Variants in PDE4D observed in about 807,000 individuals in gnomAD.
PDE4D encodes the protein 3',5'-cyclic-AMP phosphodiesterase 4D.
PDE4D carries 24 observed loss-of-function variants against 87.4 expected under a neutral mutation model. The ratio of observed to expected loss-of-function variants is 0.27; its 90% confidence interval spans 0.20 to 0.39. PDE4D has a LOEUF of 0.39. Ranked by LOEUF, PDE4D falls within the 10% of genes least tolerant of loss-of-function variation. The probability of loss-of-function intolerance (pLI) is 1.00; values close to 1 mark genes in which losing one functional copy is unlikely to be tolerated. For synonymous variants in PDE4D, 384 were observed against 383.2 expected, an observed-to-expected ratio of 1.00 and a Z score of -0.02; for missense variants, 714 against 1,041.0, an observed-to-expected ratio of 0.69 and a Z score of 4.32.
upstream of PDE4D, among the ~76,000 whole-genome samples, chr5:59,896,229 CA>C (rs1390685464): frequency 5.9e-5 from 9 of 152,254 alleles, 1 homozygote; most frequent in South Asian, 1.7e-3. Flanking sequence ...ATACTTAGCA[CA>C]ATGCCTTATA....
At chr5:59,191,853 G>A (rs891211240) in intron 3 of PDE4D, among the ~76,000 whole-genome samples, 3 of 152,046 alleles carry the variant, frequency 2.0e-5, no homozygotes, top group African/African-American at 7.2e-5. Flanking sequence ...TTACAGGTAC[G>A]AGCCACCGCA....
chr5:60,135,565 A>G (rs879851306), intron 2 of PDE4D, among the ~76,000 whole-genome samples: 2 of 152,240 alleles, frequency 1.3e-5, no homozygotes, highest in Non-Finnish European at 2.9e-5. Flanking sequence ...GGGTAAAAAA[A>G]GAAGGTAGCT....
chr5:59,248,382 G>A (rs1338517683), intron 1 of PDE4D, among the ~76,000 whole-genome samples: 2 of 151,392 alleles, frequency 1.3e-5, no homozygotes, highest in African/African-American at 4.9e-5. Flanking sequence ...AGTGGTTCCT[G>A]CTCTTGCATC....
At chr5:59,010,669 T>G (rs569679303) in intron 6 of PDE4D, among the ~76,000 whole-genome samples, 1 of 152,034 alleles carries the variant, frequency 6.6e-6, no homozygotes, top group East Asian at 1.9e-4. Flanking sequence ...TCCAATAAAG[T>G]AGGTATAGCT....
chr5:59,342,646 ATGGGCAAGTAAAC>A (rs1404410295), intron 1 of PDE4D, among the ~76,000 whole-genome samples: 1 of 152,140 alleles, frequency 6.6e-6, no homozygotes, highest in Non-Finnish European at 1.5e-5. Context: ...GCAAGTAAAC[ATGGGCAAGTAAAC>A]TGGGCAAGTA....
At chr5:59,342,120 C>A (rs145627619) in intron 1 of PDE4D, among the ~76,000 whole-genome samples, 4 of 152,148 alleles carry the variant, frequency 2.6e-5, no homozygotes, top group African/African-American at 9.7e-5. Context: ...TATTCTAACA[C>A]TCTCTTTTTA....
chr5:59,911,097 A>G (rs1268096318), intron 3 of PDE4D, among the ~76,000 whole-genome samples: 1 of 152,246 alleles, frequency 6.6e-6, no homozygotes, highest in Non-Finnish European at 1.5e-5. Flanking sequence ...TGAAACAAAG[A>G]TGATAATAGC....
At chr5:59,354,099 A>G (rs1337400541) in intron 1 of PDE4D, among the ~76,000 whole-genome samples, 3 of 152,160 alleles carry the variant, frequency 2.0e-5, no homozygotes, top group Non-Finnish European at 4.4e-5. Context: ...AGTAGCATGC[A>G]TTATTATCCA....
chr5:59,003,598 T>C (rs1750971588), intron 6 of PDE4D, among the ~76,000 whole-genome samples: 1 of 152,208 alleles, frequency 6.6e-6, no homozygotes, highest in African/African-American at 2.4e-5. Flanking sequence ...AAACAAAGCT[T>C]TCTCACCTGC....
At chr5:59,280,224 T>G (rs1765571829) in intron 1 of PDE4D, among the ~76,000 whole-genome samples, 1 of 152,084 alleles carries the variant, frequency 6.6e-6, no homozygotes, top group South Asian at 2.1e-4. Context: ...GACATTTTGA[T>G]TGCCTCATTA....
chr5:60,485,115 T>G (rs1246426638), intron 1 of PDE4D, among the ~76,000 whole-genome samples: 1 of 152,180 alleles, frequency 6.6e-6, no homozygotes, highest in African/African-American at 2.4e-5. Flanking sequence ...TGAAAGCTCC[T>G]CTTCTACCAG....
chr5:58,999,417 C>T, intron 6 of PDE4D: 1 of 734,450 alleles, frequency 1.4e-6, no homozygotes, highest in Admixed American at 2.4e-5. Flanking sequence ...GAACAAATTA[C>T]AGTAGAGTCT....
chr5:60,027,104 C>A (rs182520002), intron 2 of PDE4D, among the ~76,000 whole-genome samples: 1 of 152,148 alleles, frequency 6.6e-6, no homozygotes, highest in Non-Finnish European at 1.5e-5. Context: ...TCAGGAGGCA[C>A]ATGTGTAGGT....
chr5:59,975,504 A>C (rs1363979818), intron 3 of PDE4D, among the ~76,000 whole-genome samples: 5 of 152,160 alleles, frequency 3.3e-5, no homozygotes, highest in Non-Finnish European at 4.4e-5. Flanking sequence ...ATATTCACTC[A>C]TTTCCATAAC....
At chr5:60,365,741 A>C (rs945205842) in intron 1 of PDE4D, among the ~76,000 whole-genome samples, 1 of 152,164 alleles carries the variant, frequency 6.6e-6, no homozygotes, top group South Asian at 2.1e-4. Flanking sequence ...AGTTCAGGCC[A>C]TCTAAGAATC....
chr5:59,696,978 C>T (rs1751878669), intron 1 of PDE4D, among the ~76,000 whole-genome samples: 1 of 152,054 alleles, frequency 6.6e-6, no homozygotes, highest in South Asian at 2.1e-4. Context: ...CAAAATAGAT[C>T]TAGTCTAGAA....
intron 5 of PDE4D, among the ~76,000 whole-genome samples, chr5:59,160,291 T>TA (rs1366469281): frequency 6.6e-6 from 1 of 152,198 alleles, no homozygotes; most frequent in Non-Finnish European, 1.5e-5. Context: ...ACCTACTCAG[T>TA]AAAATCATAT....
intron 2 of PDE4D, among the ~76,000 whole-genome samples, chr5:60,047,358 A>T (rs1468895068): frequency 2.6e-5 from 4 of 151,618 alleles, no homozygotes; most frequent in African/African-American, 7.3e-5. Context: ...TTTTTGTGTC[A>T]CTATTTCCTT....
At chr5:59,517,353 G>A (rs192189703) in intron 1 of PDE4D, among the ~76,000 whole-genome samples, 1 of 152,264 alleles carries the variant, frequency 6.6e-6, no homozygotes, top group African/African-American at 2.4e-5. Flanking sequence ...GAAATGTAAT[G>A]TTTACTAATG....
Sources: allele counts gnomAD v4.1 joint callset (sites outside exome capture counted in the v4.1 genomes callset), GRCh38; gene constraint gnomAD v4.1.1; transcripts MANE v1.5; gene names NCBI Gene and HGNC (gene_info 2026-07-23, HGNC 2026-07-21).